The following RASL11A variants were observed in gnomAD, a reference collection of about 807,000 sequenced individuals.
RASL11A encodes the protein ras-like protein family member 11A.
Under a neutral mutation model 17.1 loss-of-function variants are expected in RASL11A, and 14 were observed. The observed-to-expected ratio is 0.82, with a 90% CI of 0.54 to 1.28. The LOEUF is 1.28. Among genes scored for constraint, RASL11A ranks in the 50% most tolerant of loss-of-function variants. The pLI is 0.00. For missense variants in RASL11A, 283 were observed against 312.3 expected (o/e 0.91, Z 0.71); for synonymous variants, 146 against 132.5 (o/e 1.10, Z -0.70).
intron 3 of RASL11A, among the ~76,000 whole-genome samples, 155 bp from the exon 4 acceptor site, chr13:27,272,872 C>T (rs1882336751): frequency 1.3e-5 from 2 of 152,152 alleles, no homozygotes; most frequent in Admixed American, 1.3e-4. Context: ...CTTTCCATAT[C>T]AAAAGCCTGC....
Position 27,270,959 on chromosome 13 carries a change from C to A in RASL11A, c.15C>A (p.Ser5Arg). 2 of 1,595,786 alleles carry A rather than the reference C, an allele frequency of 1.3e-6. No individual in the cohort carries two copies. The highest frequency in any genetic ancestry group is 1.1e-5 in the South Asian group (1 of 87,912). ...GGACGCGCTCCATGCGGCCGCTCAGCATGTCCGGGCACTTTCTGCTCGCAC... is the reference window on the plus strand; with the variant it reads ...GGACGCGCTCCATGCGGCCGCTCAGAATGTCCGGGCACTTTCTGCTCGCAC... MRPL[S>R]MSGHFLLAPI... Residue 5 changes from serine (S) to arginine (R), a missense_variant, in exon 1 of 4, where the codon AGC (serine) becomes AGA (arginine). Ser to Arg is a moderately radical substitution (Grantham distance 110). Transcript: ENST00000241463.
At position 27,273,827 on chromosome 13, in the gene RASL11A, G is replaced by C. The variant is rs1882390537; in HGVS notation, c.*333G>C. 1 of 217,174 alleles carries C rather than the reference G, an allele frequency of 4.6e-6. No homozygotes were observed. The highest frequency in any genetic ancestry group is 7.6e-5 in the South Asian group (1 of 13,208). 13.5% of individuals were successfully genotyped at this position (217,174 alleles called of 1,614,324 possible). On this transcript the variant is annotated 3_prime_UTR_variant, in exon 4 of 4. Transcript: ENST00000241463. ...TGTACTTGCACCAGCGCCCAGTGCT[G>C]CTCCATGCTTGCCCTCAGTCTGAAC...
In RASL11A at chr13:27,273,720, T is replaced by TTTTTTTTTTA. The variant is rs1491179424; in HGVS notation, c.*226_*227insTTTTTTTTTA. On this transcript the variant is annotated 3_prime_UTR_variant, in exon 4 of 4. Transcript: ENST00000241463. ...TTTTTTTTTTTTTTTTTTTTTTTTTTACTGTAACTGCTGGCCACTTTTCCA... is the reference window on the plus strand; with the variant it reads ...TTTTTTTTTTTTTTTTTTTTTTTTTTTTTTTTTTTAACTGTAACTGCTGGCCACTTTTCCA... 2.9e-6 allele frequency: 1 copy of TTTTTTTTTTA among 342,256 alleles called. No homozygotes were observed. The highest frequency in any genetic ancestry group is 2.7e-5 in the African/African-American group (1 of 37,176). 21.2% of individuals were successfully genotyped at this position (342,256 alleles called of 1,614,324 possible). A position where few individuals can be genotyped will look rare whatever the true frequency, so the allele number is the denominator to read the frequency against.
intron 2 of RASL11A, 45 bp downstream of exon 2, chr13:27,271,585 T>A: frequency 6.2e-7 from 1 of 1,613,468 alleles, no homozygotes; most frequent in Non-Finnish European, 8.5e-7. Context: ...TGCGTGTTTC[T>A]TTTTACGGAT....
intron 3 of RASL11A, 45 bp downstream of exon 3, chr13:27,271,763 C>A (rs944253671): frequency 1.3e-6 from 2 of 1,517,166 alleles, no homozygotes; most frequent in Non-Finnish European, 1.8e-6. Flanking sequence ...CCCGTGAGAC[C>A]ACCCCAGTGG....
Position 27,273,561 on chromosome 13 carries a change from C to CT in RASL11A, c.*72dup, listed in dbSNP as rs1882373749. On this transcript the variant is annotated 3_prime_UTR_variant, in exon 4 of 4. Coordinates refer to ENST00000241463, the MANE Select transcript of RASL11A (RefSeq NM_206827.2). ...TGCAGCTAAAAGACTGGGCTTCTCG[C>CT]TTTTTAATCACACATTCAGAGTTTA... 8.3e-7 allele frequency: 1 copy of CT among 1,202,750 alleles called. No individual in the cohort carries two copies. Among genetic ancestry groups the CT allele is most frequent in the Non-Finnish European group, 1.2e-6 (1 of 851,628 alleles). 74.5% of individuals were successfully genotyped at this position (1,202,750 alleles called of 1,614,324 possible). A position where few individuals can be genotyped will look rare whatever the true frequency, so the allele number is the denominator to read the frequency against.
chr13:27,271,374 C>A (rs1882279325), intron 1 of RASL11A, 110 bp from the exon 2 acceptor site: 1 of 1,545,794 alleles, frequency 6.5e-7, no homozygotes, highest in Non-Finnish European at 8.8e-7. Context: ...CCTCTGGAAG[C>A]GAGCAGTGCC....
At chr13:27,272,353 G>C (rs548967319) in intron 3 of RASL11A, among the ~76,000 whole-genome samples, 1 of 152,120 alleles carries the variant, frequency 6.6e-6, no homozygotes. Flanking sequence ...GGCTGGTCTC[G>C]AACTCCTGAC....
At chr13:27,272,428 C>T (rs1337133328) in intron 3 of RASL11A, among the ~76,000 whole-genome samples, 1 of 152,154 alleles carries the variant, frequency 6.6e-6, no homozygotes, top group Non-Finnish European at 1.5e-5. Context: ...CCACAGCGCC[C>T]GGCCCAAGCA....
At chr13:27,272,943 C>T (rs763239387) in intron 3 of RASL11A, 84 bp from the exon 4 acceptor site, 2 of 1,085,588 alleles carry the variant, frequency 1.8e-6, no homozygotes, top group African/African-American at 3.2e-5. Flanking sequence ...TCAAGTGTTT[C>T]TTCAAGGGTT....
At position 27,273,027 on chromosome 13, in the gene RASL11A, A is replaced by T; in HGVS notation, c.262A>T (p.Ile88Phe). 7.4e-6 allele frequency: 12 copies of T among 1,613,112 alleles called. No homozygotes were observed. The highest frequency in any genetic ancestry group is 9.3e-6 in the Non-Finnish European group (11 of 1,179,114). ...GGATCTCATTTTGATGTTTTCTCAGATCCAAGACAGCCTCCCCCAGGTCGT... is the reference window on the plus strand; with the variant it reads ...GGATCTCATTTTGATGTTTTCTCAGTTCCAAGACAGCCTCCCCCAGGTCGT... ...QIQDTPGGVQ[I>F]QDSLPQVVDS... is the part of the protein sequence containing the mutation. Residue 88 changes from isoleucine to phenylalanine, a missense_variant and splice_region_variant, in exon 4 of 4, where the codon ATC (isoleucine) becomes TTC (phenylalanine). Physicochemically the swap from Ile to Phe is conservative, Grantham distance 21 (BLOSUM62 0). Coordinates refer to ENST00000241463, the MANE Select transcript of RASL11A (RefSeq NM_206827.2).
chr13:27,274,723 C>G lies in RASL11A; in HGVS notation c.*1229C>G, dbSNP rs1371082656. 6.6e-6 allele frequency among the ~76,000 whole-genome samples: 1 copy of G among 152,230 alleles called. No homozygotes were observed. Among genetic ancestry groups the G allele is most frequent in the African/African-American group, 2.4e-5 (1 of 41,454 alleles). On this transcript the variant is annotated 3_prime_UTR_variant, in exon 4 of 4. Transcript: ENST00000241463. ...CATTTGTGTTATAACCCAACCCTGT[C>G]AGGTAGCTATTTGTTACTCCATTAG...
In RASL11A at chr13:27,270,836, C is replaced by G. The variant is rs1008338086; in HGVS notation, c.-109C>G. ...CGGGCCTTGACAGTTCTGCAGGCAG[C>G]CGCCGCGGTCCCGGACCTCTAGTCC... On this transcript the variant is annotated 5_prime_UTR_variant, in exon 1 of 4. Transcript: ENST00000241463. 2 of 1,426,446 alleles carry G rather than the reference C, an allele frequency of 1.4e-6. No individual in the cohort carries two copies. The highest frequency in any genetic ancestry group is 9.4e-7 in the Non-Finnish European group (1 of 1,063,760). 88.4% of individuals were successfully genotyped at this position (1,426,446 alleles called of 1,614,324 possible). A position where few individuals can be genotyped will look rare whatever the true frequency, so the allele number is the denominator to read the frequency against.
At chr13:27,271,375 G>T in intron 1 of RASL11A, 109 bp from the exon 2 acceptor site, 5 of 1,553,608 alleles carry the variant, frequency 3.2e-6, no homozygotes, top group South Asian at 2.3e-5. Flanking sequence ...CTCTGGAAGC[G>T]AGCAGTGCCC....
chr13:27,273,131 G>T lies in RASL11A; in HGVS notation c.366G>T (p.Leu122Phe), dbSNP rs781254090. 6.2e-7 allele frequency: 1 copy of T among 1,614,144 alleles called. No individual in the cohort carries two copies. The highest frequency in any genetic ancestry group is 8.5e-7 in the Non-Finnish European group (1 of 1,180,030). ...CCATCACAGACTATGACAGCTACTTGTCCATCCGACCCCTTTATCAGCACA... is the reference window on the plus strand; with the variant it reads ...CCATCACAGACTATGACAGCTACTTTTCCATCCGACCCCTTTATCAGCACA... Reference protein sequence around the residue: ...VYSITDYDSYLSIRPLYQHIR... With the variant: ...VYSITDYDSYFSIRPLYQHIR... Residue 122 changes from leucine to phenylalanine, a missense_variant, in exon 4 of 4, where the codon TTG becomes TTT. Physicochemically the swap from Leu to Phe is conservative, Grantham distance 22. Transcript: ENST00000241463.
chr13:27,271,337 A>G (rs1019550217), intron 1 of RASL11A, 147 bp from the exon 2 acceptor site: 1 of 1,493,058 alleles, frequency 6.7e-7, no homozygotes, highest in South Asian at 1.3e-5. Context: ...CTCGCGGCCA[A>G]GCCCGCGGCA....
chr13:27,271,665 G>A lies in RASL11A; in HGVS notation c.208G>A (p.Val70Ile), dbSNP rs1882294804. 1 of 1,613,814 alleles carries A rather than the reference G, an allele frequency of 6.2e-7. No homozygotes were observed. The highest frequency in any genetic ancestry group is 8.5e-7 in the Non-Finnish European group (1 of 1,179,958). ...TGKLYSRLVYVEGDQLSLQIQ... is the reference protein window; with the variant it reads ...TGKLYSRLVYIEGDQLSLQIQ... ...CAAGCTGTATTCACGGCTGGTCTAT[G>A]TCGAGGGGGACCAGCTCTCCCTGCA... is the stretch of plus-strand genomic sequence containing the variant. Residue 70 changes from valine to isoleucine, a missense_variant, in exon 3 of 4, where the codon GTC (valine) becomes ATC (isoleucine). Coordinates refer to ENST00000241463, the MANE Select transcript of RASL11A (RefSeq NM_206827.2).
chr13:27,271,126 G>C (rs1468657518), intron 1 of RASL11A, 58 bp downstream of exon 1: 1 of 1,521,498 alleles, frequency 6.6e-7, no homozygotes, highest in Non-Finnish European at 8.8e-7. Context: ...CGCGACCACT[G>C]GGGGCGCTGC....
intron 3 of RASL11A, 143 bp downstream of exon 3, chr13:27,271,861 G>A (rs1012777126): frequency 1.2e-5 from 8 of 647,980 alleles, no homozygotes; most frequent in Non-Finnish European, 1.9e-5. Flanking sequence ...GGAATGGGCT[G>A]TCCACAGGTG....
Sources: allele counts gnomAD v4.1 joint callset (sites outside exome capture counted in the v4.1 genomes callset), GRCh38; gene constraint gnomAD v4.1.1; transcripts MANE v1.5; gene names NCBI Gene and HGNC (gene_info 2026-07-23, HGNC 2026-07-21).